The following ATP7A variants were observed in gnomAD, a reference collection of about 807,000 sequenced individuals.
ATP7A encodes the protein ATPase copper transporting alpha.
A neutral mutation model predicts 83.5 loss-of-function variants in ATP7A; 7 were observed. The observed-to-expected ratio is 0.08, with a 90% CI of 0.05 to 0.16. The LOEUF (loss-of-function observed/expected upper bound fraction) is 0.16. Among genes scored for constraint, ATP7A ranks in the 10% least tolerant of loss-of-function variants. The pLI is 1.00. For synonymous variants in ATP7A, 354 were observed against 395.2 expected (o/e 0.90, Z 1.24); for missense variants, 940 against 1,120.8 (o/e 0.84, Z 2.30).
chrX:77,951,841 G>A (rs1227769661), intron 1 of ATP7A, among the ~76,000 whole-genome samples: 3 of 111,790 alleles, frequency 2.7e-5, no homozygotes, highest in Middle Eastern at 4.7e-3. Context: ...TTGGCCTCCC[G>A]AAGTGCTGGG....
intron 18 of ATP7A, among the ~76,000 whole-genome samples, chrX:78,039,453 C>T: frequency 9.0e-6 from 1 of 111,286 alleles, no homozygotes; most frequent in Non-Finnish European, 1.9e-5. Context: ...CTGCCTCAGC[C>T]TCCCAAGTAG....
intron 2 of ATP7A, among the ~76,000 whole-genome samples, chrX:77,976,603 T>A (rs2077577912): frequency 8.9e-6 from 1 of 111,828 alleles, no homozygotes; most frequent in Non-Finnish European, 1.9e-5. Flanking sequence ...CTTCCTAATC[T>A]GAAACTGTAG....
chrX:78,003,577 C>T (rs571138582), intron 6 of ATP7A, among the ~76,000 whole-genome samples: 1 of 110,364 alleles, frequency 9.1e-6, no homozygotes, highest in South Asian at 3.8e-4. Flanking sequence ...CTGTGTAAGG[C>T]ATATTGATTT....
intron 4 of ATP7A, among the ~76,000 whole-genome samples, chrX:77,996,576 C>T (rs1315463195): frequency 2.7e-5 from 3 of 111,490 alleles, no homozygotes; most frequent in African/African-American, 9.8e-5. Context: ...TTGCCACACT[C>T]ACAGAGCTAA....
At chrX:77,991,889 GAC>G (rs1178676405) in intron 4 of ATP7A, among the ~76,000 whole-genome samples, 2 of 109,048 alleles carry the variant, frequency 1.8e-5, no homozygotes, top group Non-Finnish European at 3.8e-5. Flanking sequence ...TGGGCATGGT[GAC>G]ACACACCTGT....
At chrX:78,015,650 G>A (rs1359369843) in intron 11 of ATP7A, 104 bp from the exon 12 acceptor site, 1 of 1,061,413 alleles carries the variant, frequency 9.4e-7, no homozygotes, top group Admixed American at 2.3e-5. Flanking sequence ...TCCATTGGCA[G>A]TAATTATGGA....
At chrX:78,014,190 G>A (rs1294161710) in intron 10 of ATP7A, among the ~76,000 whole-genome samples, 4 of 109,944 alleles carry the variant, frequency 3.6e-5, no homozygotes, top group Admixed American at 2.0e-4. Flanking sequence ...GGTGGATCAC[G>A]AGGTCAGGAG....
At chrX:77,920,848 C>T (rs782104701) in intron 1 of ATP7A, among the ~76,000 whole-genome samples, 2 of 111,154 alleles carry the variant, frequency 1.8e-5, no homozygotes, top group African/African-American at 6.5e-5. Flanking sequence ...ATTACTGGGT[C>T]GAATTGAGTT....
chrX:77,975,274 G>A (rs1557230141), intron 2 of ATP7A, among the ~76,000 whole-genome samples: 2 of 108,664 alleles, frequency 1.8e-5, no homozygotes, highest in African/African-American at 3.4e-5. Flanking sequence ...GTCACTCTTC[G>A]CAATTCTCAG....
At chrX:78,044,658 GA>G (rs1416516160) in intron 21 of ATP7A, among the ~76,000 whole-genome samples, 2 of 111,466 alleles carry the variant, frequency 1.8e-5, no homozygotes, top group Non-Finnish European at 3.8e-5. Context: ...TTTAGGTTGA[GA>G]GACCAGATGA....
chrX:77,940,267 C>T (rs1357736492), intron 1 of ATP7A, among the ~76,000 whole-genome samples: 1 of 110,626 alleles, frequency 9.0e-6, no homozygotes, highest in Non-Finnish European at 1.9e-5. Context: ...TTCATCCCCC[C>T]TCCAAAAGTA....
intron 1 of ATP7A, among the ~76,000 whole-genome samples, chrX:77,916,016 C>T (rs1016149924): frequency 4.0e-4 from 45 of 111,766 alleles, no homozygotes; most frequent in Non-Finnish European, 7.0e-4. Context: ...CTACCGCTCC[C>T]GGCCCTGCCA....
At chrX:77,990,065 C>T (rs910248710) in intron 4 of ATP7A, 107 bp downstream of exon 4, 6 of 1,048,171 alleles carry the variant, frequency 5.7e-6, no homozygotes, top group Admixed American at 4.8e-5. Context: ...TGTAATTCCA[C>T]TTTTGCAAAT....
At chrX:77,986,928 G>A (rs1557231423) in intron 2 of ATP7A, among the ~76,000 whole-genome samples, 1 of 111,432 alleles carries the variant, frequency 9.0e-6, no homozygotes, top group Non-Finnish European at 1.9e-5. Context: ...ATTACCTATA[G>A]GATAAATCAC....
chrX:77,969,508 G>A lies in ATP7A; in HGVS notation c.-21-2113G>A. On this transcript the variant is annotated intron_variant, in intron 1 of 22. Transcript: ENST00000341514. ...AAACTCATAGCCAGCATCTCGTAGC[G>A]CCTGCCCGCCGCGCTTCGCCTCCTC... The A allele has an allele frequency of 2.5e-6, 3 of 1,210,593 alleles. No individual in the cohort carries two copies. Among genetic ancestry groups the A allele is most frequent in the Non-Finnish European group, 3.4e-6 (3 of 895,404 alleles).
intron 1 of ATP7A, among the ~76,000 whole-genome samples, chrX:77,956,635 C>T (rs1375497715): frequency 1.8e-5 from 2 of 111,593 alleles, no homozygotes; most frequent in Non-Finnish European, 3.8e-5. Context: ...TGAGGCTTCA[C>T]TGGAAGCTGA....
intron 2 of ATP7A, among the ~76,000 whole-genome samples, chrX:77,976,437 T>A (rs2077577223): frequency 8.9e-6 from 1 of 112,295 alleles, no homozygotes; most frequent in Non-Finnish European, 1.9e-5. Context: ...AAATTCTGAT[T>A]TATTATAAGA....
chrX:78,039,078 C>T, intron 18 of ATP7A, 96 bp downstream of exon 18: 1 of 943,009 alleles, frequency 1.1e-6, no homozygotes, highest in Non-Finnish European at 1.5e-6. Flanking sequence ...GAGGGTTATT[C>T]AAAAGCATCT....
chrX:78,039,858 C>G (rs782018281), intron 18 of ATP7A, among the ~76,000 whole-genome samples: 1 of 112,081 alleles, frequency 8.9e-6, no homozygotes, highest in Non-Finnish European at 1.9e-5. Context: ...TACTATAATA[C>G]TGCATAATTT....
Sources: allele counts gnomAD v4.1 joint callset (sites outside exome capture counted in the v4.1 genomes callset), GRCh38; gene constraint gnomAD v4.1.1; transcripts MANE v1.5; gene names NCBI Gene and HGNC (gene_info 2026-07-23, HGNC 2026-07-21).